NUP153: variants seen among roughly 807,000 people sequenced by gnomAD.
The protein encoded by NUP153 is nucleoporin 153.
A neutral mutation model predicts 134.6 loss-of-function variants in NUP153; 27 were observed. The observed-to-expected ratio is 0.20, with a 90% CI of 0.15 to 0.28. The LOEUF (loss-of-function observed/expected upper bound fraction) is 0.28, where lower values mean the gene tolerates loss of function less well. Ranked by LOEUF, NUP153 falls within the 10% of genes least tolerant of loss-of-function variation. NUP153 has a pLI of 1.00. For missense variants in NUP153, 1,821 were observed against 1,731.3 expected (o/e 1.05, Z -0.92); for synonymous variants, 640 against 623.5 (o/e 1.03, Z -0.40).
chr6:17,617,465 T>TAAAAA (rs71002233), intron 20 of NUP153, among the ~76,000 whole-genome samples: 1 of 105,756 alleles, frequency 9.5e-6, no homozygotes. Flanking sequence ...TAGTGGGAAT[T>TAAAAA]AAAAAAAAAA....
At chr6:17,661,291 GCGACAGAGCAAGAC>G in intron 11 of NUP153, among the ~76,000 whole-genome samples, 1 of 152,134 alleles carries the variant, frequency 6.6e-6, no homozygotes. Flanking sequence ...TCCAGCCTGA[GCGACAGAGCAAGAC>G]TGTATCTTAA....
rs1764252420 is a variant in NUP153, at chr6:17,615,128, T to G, written c.*969A>C. 1 of 152,644 alleles carries G rather than the reference T, an allele frequency of 6.6e-6. No individual in the cohort carries two copies. Among genetic ancestry groups the G allele is most frequent in the Admixed American group, 6.5e-5 (1 of 15,288 alleles). 9.5% of individuals were successfully genotyped at this position (152,644 alleles called of 1,614,324 possible). ...CATGGCTTTAATATTAAACTTTTCC[T>G]TATTATCCAAAGTCACCACAGTCCA... On this transcript the variant is annotated 3_prime_UTR_variant, in exon 22 of 22. Transcript: ENST00000262077. The surrounding 1 kb of genome is among the most constrained non-coding windows in gnomAD (Gnocchi z 5.7).
chr6:17,625,085 A>AT lies in NUP153; in HGVS notation c.3902-253dup, dbSNP rs1229913545. On this transcript the variant is annotated intron_variant, in intron 19 of 21. Coordinates refer to ENST00000262077, the MANE Select transcript of NUP153 (RefSeq NM_005124.4). The surrounding 1 kb of genome is among the most constrained non-coding windows in gnomAD (Gnocchi z 4.7). ...CTACTCCACACCTTTACAGCCGACAATTTCTGGTAAAGGAACATATCTCAG... is the reference window on the plus strand; with the variant it reads ...CTACTCCACACCTTTACAGCCGACAATTTTCTGGTAAAGGAACATATCTCAG... 2.0e-5 allele frequency among the ~76,000 whole-genome samples: 3 copies of AT among 152,234 alleles called. No homozygotes were observed. Among genetic ancestry groups the AT allele is most frequent in the Non-Finnish European group, 4.4e-5 (3 of 68,036 alleles).
At chr6:17,692,924 G>C (rs1319524828) in intron 1 of NUP153, among the ~76,000 whole-genome samples, 1 of 152,010 alleles carries the variant, frequency 6.6e-6, no homozygotes, top group Non-Finnish European at 1.5e-5. Flanking sequence ...TTAATCTTCA[G>C]TTATCTAGAA....
intron 1 of NUP153, among the ~76,000 whole-genome samples, chr6:17,703,269 G>A (rs1158305343): frequency 6.6e-6 from 1 of 151,236 alleles, no homozygotes; most frequent in Non-Finnish European, 1.5e-5. Flanking sequence ...CATTTCCCAG[G>A]AGAGCTAAAC....
At chr6:17,666,648 T>C (rs962042041) in intron 8 of NUP153, among the ~76,000 whole-genome samples, 9 of 152,184 alleles carry the variant, frequency 5.9e-5, no homozygotes, top group African/African-American at 1.9e-4. Flanking sequence ...TAAGTCTAAA[T>C]GGTAAATCAC....
At position 17,629,466 on chromosome 6, in the gene NUP153, A is replaced by C. The variant is rs766151383; in HGVS notation, c.2733T>G (p.Ser911=). The C allele has an allele frequency of 8.1e-6, 13 of 1,613,010 alleles. No individual in the cohort carries two copies. Among genetic ancestry groups the C allele is most frequent in the Non-Finnish European group, 1.1e-5 (13 of 1,179,778 alleles). ...TTGTTAAAGTCTGAGAAGGCCCAGA[A>C]GAGGATGATGAGACACCAAATTTGA... ...SSFKFGVSSS[S]SGPSQTLTST... is the part of the protein sequence containing the mutation. Residue 911 remains serine (S), a synonymous_variant, in exon 18 of 22, where the codon TCT becomes TCG. Coordinates refer to ENST00000262077, the MANE Select transcript of NUP153 (RefSeq NM_005124.4).
chr6:17,639,436 A>G (rs999921783), intron 15 of NUP153, among the ~76,000 whole-genome samples: 1 of 152,170 alleles, frequency 6.6e-6, no homozygotes, highest in Non-Finnish European at 1.5e-5. Flanking sequence ...CTGTTTTCAA[A>G]CAAAAAATTA....
At chr6:17,699,483 A>AC (rs1329059800) in intron 1 of NUP153, among the ~76,000 whole-genome samples, 1 of 148,330 alleles carries the variant, frequency 6.7e-6, no homozygotes, top group Non-Finnish European at 1.5e-5. Flanking sequence ...ACTCGTCTCA[A>AC]AAAAAAAAAA....
chr6:17,696,164 G>A (rs1769631045), intron 1 of NUP153, among the ~76,000 whole-genome samples: 1 of 152,118 alleles, frequency 6.6e-6, no homozygotes, highest in Admixed American at 6.5e-5. Flanking sequence ...AAAGTTAAGG[G>A]ACCCTGCCTA....
Position 17,625,346 on chromosome 6 carries a change from A to G in NUP153, c.3901+462T>C, listed in dbSNP as rs549483786. Among the ~76,000 whole-genome samples the G allele has an allele frequency of 1.3e-5, 2 of 152,252 alleles. No individual in the cohort carries two copies. Among genetic ancestry groups the G allele is most frequent in the South Asian group, 2.1e-4 (1 of 4,818 alleles). ...GGTCAGGAATTCGAGCCTGGCCAAC[A>G]TGGTAAAACCCCATCTCTACTAAAA... On this transcript the variant is annotated intron_variant, in intron 19 of 21. Transcript: ENST00000262077. This position sits in a 1 kb window ranked among gnomAD's most constrained non-coding sequence, Gnocchi z 4.7.
Position 17,629,565 on chromosome 6 carries a change from T to C in NUP153, c.2660-26A>G, listed in dbSNP as rs567479842. ...CTACAAAAATATAAAAGACACCACA[T>C]AGACACTCAATGTACTGATCCTCTC... On this transcript the variant is annotated intron_variant, in intron 17 of 21. Coordinates refer to ENST00000262077, the MANE Select transcript of NUP153 (RefSeq NM_005124.4). The C allele has an allele frequency of 3.5e-5, 55 of 1,553,404 alleles. 1 individual carries two copies. The highest frequency in any genetic ancestry group is 3.3e-4 in the South Asian group (26 of 78,566).
Position 17,637,659 on chromosome 6 carries a change from C to T in NUP153, c.1958G>A (p.Gly653Glu), listed in dbSNP as rs1188623252. 5 of 1,613,730 alleles carry T rather than the reference C, an allele frequency of 3.1e-6. No homozygotes were observed. The highest frequency in any genetic ancestry group is 4.2e-6 in the Non-Finnish European group (5 of 1,180,020). ...SSFSSSGIGF[G>E]ESLKAGSSWQ... Reference sequence around the variant, plus strand: ...TGATGACCCAGCTTTTAAACTCTCCCCAAACCCAATTCCACTAGAAGAAAA... The same window carrying T: ...TGATGACCCAGCTTTTAAACTCTCCTCAAACCCAATTCCACTAGAAGAAAA... The change falls in exon 16 of 22, where the codon GGG (glycine) becomes GAG (glutamate). Residue 653 changes from glycine to glutamate, a missense_variant. Transcript: ENST00000262077.
At chr6:17,682,260 A>G (rs1768627111) in intron 2 of NUP153, among the ~76,000 whole-genome samples, 1 of 152,202 alleles carries the variant, frequency 6.6e-6, no homozygotes, top group Non-Finnish European at 1.5e-5. Context: ...TTGCTAACAA[A>G]TAACAATCTG....
At chr6:17,644,481 T>C (rs1015652787) in intron 14 of NUP153, among the ~76,000 whole-genome samples, 51 of 152,330 alleles carry the variant, frequency 3.3e-4, no homozygotes, top group African/African-American at 1.2e-3. Context: ...CATGACAAAT[T>C]GTTTGCAATT....
intron 11 of NUP153, among the ~76,000 whole-genome samples, chr6:17,654,229 C>G (rs1052387457): frequency 6.6e-6 from 1 of 152,134 alleles, no homozygotes; most frequent in African/African-American, 2.4e-5. Flanking sequence ...GCGTAGAACC[C>G]TAAAAACATC....
intron 1 of NUP153, among the ~76,000 whole-genome samples, chr6:17,699,047 A>C (rs1769864390): frequency 6.6e-6 from 1 of 152,210 alleles, no homozygotes. Flanking sequence ...TGAAATATCT[A>C]TAGATAGAAA....
chr6:17,650,187 G>A (rs745934160), intron 11 of NUP153, among the ~76,000 whole-genome samples: 18 of 152,304 alleles, frequency 1.2e-4, no homozygotes, highest in African/African-American at 4.1e-4. Flanking sequence ...GCAACCAAAA[G>A]CAAGAAGAAA....
chr6:17,662,976 T>C lies in NUP153; in HGVS notation c.1216-906A>G, dbSNP rs555614908. ...CTAGACTAAAGGAGATGAAGAGACA[T>C]GACAACTAAATGCAAGACATGATGT... On this transcript the variant is annotated intron_variant, in intron 9 of 21. Transcript: ENST00000262077. Among the ~76,000 whole-genome samples, 104 of 152,142 alleles carry C rather than the reference T, an allele frequency of 6.8e-4. 1 individual carries two copies. The highest frequency in any genetic ancestry group is 7.1e-4 in the Non-Finnish European group (48 of 67,994).
Sources: gnomAD v4.1 joint callset for allele counts (sites outside exome capture counted in the v4.1 genomes callset) on GRCh38, gnomAD v4.1.1 for gene constraint, Gnocchi (gnomAD v3.1) non-coding constraint, MANE v1.5 for transcripts, NCBI Gene and HGNC (gene_info 2026-07-23, HGNC 2026-07-21) for gene names.